AKAP6: variants seen among roughly 807,000 people sequenced by gnomAD.
AKAP6 encodes the protein A-kinase anchor protein 6.
A neutral mutation model predicts 188.5 loss-of-function variants in AKAP6; 58 were observed. That is an observed-to-expected ratio of 0.31 (90% CI 0.25 to 0.38). The LOEUF is 0.38. AKAP6 is among the 10% of genes least tolerant of loss of function. The pLI, the probability that AKAP6 is intolerant of heterozygous loss-of-function variation, is 1.00. For missense variants in AKAP6, 2,710 were observed against 2,740.0 expected (o/e 0.99, Z 0.24); for synonymous variants, 989 against 998.6 (o/e 0.99, Z 0.18).
At chr14:32,770,625 A>G (rs1425722906) in intron 11 of AKAP6, among the ~76,000 whole-genome samples, 1 of 152,148 alleles carries the variant, frequency 6.6e-6, no homozygotes, top group Non-Finnish European at 1.5e-5. Flanking sequence ...TTCCACTTTA[A>G]CATACCTCTC....
chr14:32,639,791 G>A (rs529326139), intron 7 of AKAP6, among the ~76,000 whole-genome samples: 2 of 152,176 alleles, frequency 1.3e-5, no homozygotes, highest in East Asian at 3.9e-4. Context: ...ACAGGGAAAG[G>A]GGCTGCGGAC....
intron 7 of AKAP6, among the ~76,000 whole-genome samples, chr14:32,604,050 A>G (rs1488889125): frequency 2.0e-5 from 3 of 152,338 alleles, no homozygotes; most frequent in Middle Eastern, 6.8e-3. Flanking sequence ...GTTCTTAATG[A>G]TTAAGGTGCC....
At chr14:32,801,208 TTC>T (rs2033939385) in intron 12 of AKAP6, among the ~76,000 whole-genome samples, 1 of 152,192 alleles carries the variant, frequency 6.6e-6, no homozygotes, top group Non-Finnish European at 1.5e-5. Context: ...CATTTGTTCT[TTC>T]TTTTTTCCTT....
At chr14:32,360,588 A>G (rs1412366819) in intron 1 of AKAP6, among the ~76,000 whole-genome samples, 1 of 151,964 alleles carries the variant, frequency 6.6e-6, no homozygotes, top group Non-Finnish European at 1.5e-5. Context: ...TCCTGCATTT[A>G]TTTATTCAAT....
intron 2 of AKAP6, among the ~76,000 whole-genome samples, chr14:32,451,422 T>C (rs74898858): frequency 0.021 from 3,217 of 152,332 alleles, 55 homozygotes; most frequent in Non-Finnish European, 0.035. Context: ...TAGCTTTATT[T>C]GTATACAGCT....
chr14:32,589,656 A>G (rs950816190), intron 5 of AKAP6, among the ~76,000 whole-genome samples: 9 of 152,350 alleles, frequency 5.9e-5, no homozygotes, highest in African/African-American at 1.9e-4. Flanking sequence ...CTCTTGGGCC[A>G]TAATACCCAG....
At chr14:32,430,156 G>C (rs1249949483) in intron 1 of AKAP6, among the ~76,000 whole-genome samples, 1 of 152,182 alleles carries the variant, frequency 6.6e-6, no homozygotes, top group Non-Finnish European at 1.5e-5. Context: ...CCATCATTTA[G>C]TAGCTACACA....
chr14:32,593,085 G>A (rs576063513), intron 5 of AKAP6, among the ~76,000 whole-genome samples: 5 of 149,142 alleles, frequency 3.4e-5, no homozygotes, highest in Admixed American at 6.7e-5. Flanking sequence ...GTGAGGGCAG[G>A]GACCATGTCT....
At chr14:32,518,839 A>G (rs577411314) in intron 2 of AKAP6, among the ~76,000 whole-genome samples, 2 of 152,348 alleles carry the variant, frequency 1.3e-5, no homozygotes, top group African/African-American at 4.8e-5. Context: ...CAGGAAATAC[A>G]GAGAATGCCA....
At chr14:32,661,719 G>A (rs1308828713) in intron 7 of AKAP6, among the ~76,000 whole-genome samples, 1 of 152,108 alleles carries the variant, frequency 6.6e-6, no homozygotes, top group African/African-American at 2.4e-5. Context: ...AGGATGGTGA[G>A]TAGAAAAGCA....
chr14:32,800,045 C>G (rs997346811), intron 12 of AKAP6, among the ~76,000 whole-genome samples: 2 of 119,710 alleles, frequency 1.7e-5, no homozygotes, highest in Non-Finnish European at 3.5e-5. Context: ...CCCTGTCTCT[C>G]TCTCTCTCTC....
In AKAP6 at chr14:32,492,353, TATAG is replaced by T. The variant is rs1429932689; in HGVS notation, c.325-43199_325-43196del. Among the ~76,000 whole-genome samples, 86 of 52,272 alleles carry T rather than the reference TATAG, an allele frequency of 1.6e-3. 1 individual carries two copies. Among genetic ancestry groups the T allele is most frequent in the African/African-American group, 2.8e-3 (65 of 22,810 alleles). 34.3% of individuals were successfully genotyped at this position (52,272 alleles called of 152,430 possible). A position where few individuals can be genotyped will look rare whatever the true frequency, so the allele number is the denominator to read the frequency against. ...CTACATTGTAATATATATATATATA[TATAG>T]AGAGAGAGAGAGAGAGAGAGAGAGA... On this transcript the variant is annotated intron_variant, in intron 2 of 13. Transcript: ENST00000280979.
At chr14:32,697,141 A>G (rs923821157) in intron 9 of AKAP6, among the ~76,000 whole-genome samples, 11 of 152,186 alleles carry the variant, frequency 7.2e-5, no homozygotes, top group African/African-American at 2.7e-4. Context: ...CAATGGTATC[A>G]TTTTAAATTA....
intron 9 of AKAP6, among the ~76,000 whole-genome samples, chr14:32,703,132 A>G (rs780449110): frequency 1.3e-4 from 20 of 152,178 alleles, no homozygotes; most frequent in Non-Finnish European, 2.9e-4. Flanking sequence ...TAAAAAAATA[A>G]AACTTGAATA....
intron 1 of AKAP6, among the ~76,000 whole-genome samples, chr14:32,371,999 CT>C (rs533595622): frequency 3.3e-5 from 5 of 150,842 alleles, no homozygotes; most frequent in East Asian, 2.0e-4. Flanking sequence ...CCTTCCTTCT[CT>C]TTTTTTTTCC....
intron 1 of AKAP6, among the ~76,000 whole-genome samples, chr14:32,342,770 A>AT (rs953182557): frequency 2.0e-5 from 3 of 151,682 alleles, no homozygotes; most frequent in Non-Finnish European, 2.9e-5. Context: ...AGGGTTTGTT[A>AT]TTTTTTTTTA....
intron 2 of AKAP6, among the ~76,000 whole-genome samples, chr14:32,524,297 C>T (rs1882011900): frequency 6.6e-6 from 1 of 152,066 alleles, no homozygotes; most frequent in South Asian, 2.1e-4. Context: ...AGGGATGAAG[C>T]CTCTGTGATG....
intron 7 of AKAP6, among the ~76,000 whole-genome samples, chr14:32,672,912 T>C (rs1889272492): frequency 6.6e-6 from 1 of 152,160 alleles, no homozygotes. Context: ...AAAAGAGAGA[T>C]AGAGGAAGAT....
At chr14:32,584,173 G>A (rs543419616) in intron 5 of AKAP6, among the ~76,000 whole-genome samples, 1 of 152,310 alleles carries the variant, frequency 6.6e-6, no homozygotes, top group South Asian at 2.1e-4. Context: ...ATTCGAGGCG[G>A]ATGTGTTCCA....
Sources: allele counts gnomAD v4.1 joint callset (sites outside exome capture counted in the v4.1 genomes callset), GRCh38; gene constraint gnomAD v4.1.1; transcripts MANE v1.5; gene names NCBI Gene and HGNC (gene_info 2026-07-23, HGNC 2026-07-21).